GRID2: variants seen among roughly 807,000 people sequenced by gnomAD.
The protein encoded by GRID2 is glutamate ionotropic receptor delta type subunit 2, also known as glutamate receptor ionotropic, delta-2.
A neutral mutation model predicts 114.8 loss-of-function variants in GRID2; 33 were observed. That is an observed-to-expected ratio of 0.29 (90% CI 0.22 to 0.38). GRID2 has a LOEUF of 0.38. Ranked by LOEUF, GRID2 falls within the 10% of genes least tolerant of loss-of-function variation. The probability of loss-of-function intolerance (pLI) is 1.00; values close to 1 mark genes in which losing one functional copy is unlikely to be tolerated. For missense variants in GRID2, 1,184 were observed against 1,257.7 expected (o/e 0.94, Z 0.89); for synonymous variants, 505 against 449.9 (o/e 1.12, Z -1.55).
At chr4:93,558,263 C>A (rs1462168526) in intron 13 of GRID2, among the ~76,000 whole-genome samples, 2 of 151,980 alleles carry the variant, frequency 1.3e-5, no homozygotes, top group East Asian at 3.9e-4. Flanking sequence ...GAGAAAGAGA[C>A]ACGAAAAACC....
intron 2 of GRID2, among the ~76,000 whole-genome samples, chr4:92,603,547 G>T (rs543252637): frequency 6.6e-6 from 1 of 152,210 alleles, no homozygotes; most frequent in East Asian, 1.9e-4. Context: ...ACTCAAGATG[G>T]ATTAAAGGCT....
At chr4:93,727,988 A>C (rs1303832231) in intron 14 of GRID2, among the ~76,000 whole-genome samples, 1 of 152,140 alleles carries the variant, frequency 6.6e-6, no homozygotes, top group East Asian at 1.9e-4. Context: ...TATGTCCTTC[A>C]GTTCTGCTCT....
chr4:92,527,210 GAAGT>G (rs1283479884), intron 1 of GRID2, among the ~76,000 whole-genome samples: 1 of 152,082 alleles, frequency 6.6e-6, no homozygotes, highest in Non-Finnish European at 1.5e-5. Context: ...ACAAAAGAGA[GAAGT>G]AAGATTTTAT....
At chr4:92,474,038 G>A (rs1256575951) in intron 1 of GRID2, among the ~76,000 whole-genome samples, 2 of 149,718 alleles carry the variant, frequency 1.3e-5, no homozygotes, top group Non-Finnish European at 1.5e-5. Context: ...AGAACTTAAG[G>A]TCTATTCTCT....
chr4:93,728,671 T>C (rs999815072), intron 14 of GRID2, among the ~76,000 whole-genome samples: 3 of 152,350 alleles, frequency 2.0e-5, no homozygotes, highest in African/African-American at 7.2e-5. Flanking sequence ...TGGGTGCTCG[T>C]GTATTGGGTG....
At chr4:92,719,857 T>G (rs1735730536) in intron 2 of GRID2, among the ~76,000 whole-genome samples, 1 of 152,132 alleles carries the variant, frequency 6.6e-6, no homozygotes, top group Non-Finnish European at 1.5e-5. Flanking sequence ...ATTCTTGAAG[T>G]AGCATATTTT....
intron 4 of GRID2, among the ~76,000 whole-genome samples, chr4:93,179,005 G>C (rs1739634409): frequency 6.6e-6 from 1 of 152,030 alleles, no homozygotes; most frequent in African/African-American, 2.4e-5. Flanking sequence ...TAATAGTTTT[G>C]CTTGATATAT....
At chr4:93,597,845 C>G (rs1739255264) in intron 13 of GRID2, among the ~76,000 whole-genome samples, 1 of 152,192 alleles carries the variant, frequency 6.6e-6, no homozygotes, top group Non-Finnish European at 1.5e-5. Context: ...CTGTTATGTT[C>G]TATTCCCAAG....
intron 1 of GRID2, among the ~76,000 whole-genome samples, chr4:92,389,256 G>A (rs542670455): frequency 6.6e-6 from 1 of 152,144 alleles, no homozygotes; most frequent in African/African-American, 2.4e-5. Context: ...TAATTTAGTT[G>A]ATCCTACTGT....
intron 8 of GRID2, among the ~76,000 whole-genome samples, chr4:93,262,283 G>T (rs1253281633): frequency 6.6e-6 from 1 of 151,886 alleles, no homozygotes; most frequent in African/African-American, 2.4e-5. Context: ...TTCTAAAGCA[G>T]TGCCTCACAT....
chr4:93,114,405 C>G (rs1042069081), intron 4 of GRID2, among the ~76,000 whole-genome samples: 1 of 152,058 alleles, frequency 6.6e-6, no homozygotes, highest in South Asian at 2.1e-4. Flanking sequence ...CATCTTGGTC[C>G]CCAAACACAT....
intron 1 of GRID2, among the ~76,000 whole-genome samples, chr4:93,790,173 G>A (rs969287085): frequency 1.5e-4 from 22 of 145,822 alleles, no homozygotes; most frequent in Admixed American, 4.3e-4. Context: ...ACCTGTCCCT[G>A]GTGCCAAAAA....
At chr4:93,041,795 G>C (rs1048288278) in intron 2 of GRID2, among the ~76,000 whole-genome samples, 2 of 152,096 alleles carry the variant, frequency 1.3e-5, no homozygotes, top group Non-Finnish European at 2.9e-5. Context: ...GTGAAGAATT[G>C]TACTGAGTAG....
intron 8 of GRID2, among the ~76,000 whole-genome samples, chr4:93,302,099 A>C (rs1326311833): frequency 6.6e-6 from 1 of 152,170 alleles, no homozygotes; most frequent in Admixed American, 6.5e-5. Context: ...AGAAGAAAAA[A>C]TATGTATTTT....
At chr4:92,731,968 G>A (rs1736349666) in intron 2 of GRID2, among the ~76,000 whole-genome samples, 1 of 151,862 alleles carries the variant, frequency 6.6e-6, no homozygotes, top group Non-Finnish European at 1.5e-5. Flanking sequence ...AAATGTCACT[G>A]CCTTAGAAAT....
intron 1 of GRID2, among the ~76,000 whole-genome samples, chr4:92,365,560 G>A (rs942204537): frequency 6.6e-6 from 1 of 151,884 alleles, no homozygotes; most frequent in Non-Finnish European, 1.5e-5. Flanking sequence ...AGCTAGACAA[G>A]AAGAATAAAA....
chr4:93,378,388 T>A (rs1363169683), intron 8 of GRID2, among the ~76,000 whole-genome samples: 1 of 152,114 alleles, frequency 6.6e-6, no homozygotes, highest in Non-Finnish European at 1.5e-5. Context: ...CCTTGTTAAA[T>A]CTATATCCTA....
At chr4:92,436,918 T>A (rs1000114571) in intron 1 of GRID2, among the ~76,000 whole-genome samples, 1 of 152,148 alleles carries the variant, frequency 6.6e-6, no homozygotes. Flanking sequence ...AAATAATAGG[T>A]AATGAATGCT....
chr4:93,013,960 A>T (rs1722434475), intron 2 of GRID2, among the ~76,000 whole-genome samples: 1 of 152,062 alleles, frequency 6.6e-6, no homozygotes. Flanking sequence ...CTGGTTCTCC[A>T]GAAGATCAAA....
Sources: gnomAD v4.1 joint callset for allele counts (sites outside exome capture counted in the v4.1 genomes callset) on GRCh38, gnomAD v4.1.1 for gene constraint, MANE v1.5 for transcripts, NCBI Gene and HGNC (gene_info 2026-07-23, HGNC 2026-07-21) for gene names.